Variants in GPR161 observed in about 807,000 individuals in gnomAD.
The protein encoded by GPR161 is G-protein coupled receptor RE2.
In GPR161, 25 loss-of-function variants were observed where a neutral mutation model predicts 39.2. That is an observed-to-expected ratio of 0.64 (90% confidence interval 0.47 to 0.89). The LOEUF (loss-of-function observed/expected upper bound fraction) is 0.89, where lower values mean the gene tolerates loss of function less well. Ranked by LOEUF, GPR161 falls within the 40% of genes least tolerant of loss-of-function variation. The pLI is 0.00. For missense variants in GPR161, 547 were observed against 677.8 expected (o/e 0.81, Z 2.14); for synonymous variants, 286 against 276.6 (o/e 1.03, Z -0.34).
chr1:168,110,916 C>A (rs1343521950), intron 1 of GPR161, among the ~76,000 whole-genome samples: 2 of 137,940 alleles, frequency 1.4e-5, no homozygotes. Flanking sequence ...AAGAGCAAAA[C>A]TCTATCTCAA....
intron 1 of GPR161, among the ~76,000 whole-genome samples, chr1:168,127,690 T>A (rs922448929): frequency 1.3e-5 from 2 of 152,070 alleles, no homozygotes; most frequent in South Asian, 4.1e-4. Context: ...TTTAAAACCA[T>A]CAGATCTCAT....
chr1:168,133,398 G>A (rs1572398699), intron 1 of GPR161, among the ~76,000 whole-genome samples: 1 of 152,102 alleles, frequency 6.6e-6, no homozygotes, highest in Admixed American at 6.5e-5. Context: ...TATTGTACAT[G>A]TACACAGATA....
rs376954778 is a variant in GPR161 at position 168,118,477 on chromosome 1, G to A, written c.-44-13583C>T. 5.9e-5 allele frequency: 9 copies of A among 152,334 alleles called. No homozygotes were observed. In the South Asian group the frequency reaches 1.0e-3, roughly 18 times the overall value. 9.4% of individuals were successfully genotyped at this position (152,334 alleles called of 1,614,324 possible). A position where few individuals can be genotyped will look rare whatever the true frequency, so the allele number is the denominator to read the frequency against. On this transcript the variant is annotated intron_variant, in intron 1 of 5. Coordinates refer to ENST00000682931, the MANE Select transcript of GPR161 (RefSeq NM_001375883.1). ...ACGAGGGTGAGGGTTAGGAAGGGGA[G>A]TGGATGAGGAGAAACAACTTAATGG...
chr1:168,116,734 G>A (rs1446639769), intron 1 of GPR161, among the ~76,000 whole-genome samples: 1 of 152,192 alleles, frequency 6.6e-6, no homozygotes, highest in African/African-American at 2.4e-5. Flanking sequence ...CGTGGCCTCT[G>A]CAACCCCAGG....
Position 168,092,704 on chromosome 1 carries a change from C to T in GPR161, c.1100-2036G>A, listed in dbSNP as rs77493044. On this transcript the variant is annotated intron_variant, in intron 3 of 5. Transcript: ENST00000682931. ...AGGTACTTTGAGCTAACTACAAGAC[C>T]TCTAGATGCCCCCAAGCAAAGGAAC... is the stretch of plus-strand genomic sequence containing the variant. 6.1e-3 allele frequency among the ~76,000 whole-genome samples: 934 copies of T among 152,258 alleles called. 3 individuals are homozygous for T. The highest frequency in any genetic ancestry group is 0.022 in the African/African-American group (895 of 41,552).
chr1:168,119,932 G>C (rs1698022968), intron 1 of GPR161, among the ~76,000 whole-genome samples: 1 of 152,230 alleles, frequency 6.6e-6, no homozygotes, highest in South Asian at 2.1e-4. Flanking sequence ...TGAATGTCCA[G>C]GCAGAAGTCT....
At chr1:168,108,336 G>A (rs1156770864) in intron 1 of GPR161, among the ~76,000 whole-genome samples, 1 of 151,880 alleles carries the variant, frequency 6.6e-6, no homozygotes, top group East Asian at 1.9e-4. Context: ...ATGTCAACAT[G>A]AGACTTGGCG....
chr1:168,110,973 G>A (rs928043634), intron 1 of GPR161, among the ~76,000 whole-genome samples: 5 of 150,780 alleles, frequency 3.3e-5, no homozygotes, highest in Admixed American at 6.6e-5. Flanking sequence ...AAAGACAAAC[G>A]AATGGGTATG....
At chr1:168,126,479 C>T (rs1364113859) in intron 1 of GPR161, among the ~76,000 whole-genome samples, 5 of 151,914 alleles carry the variant, frequency 3.3e-5, no homozygotes, top group South Asian at 2.1e-4. Flanking sequence ...TTTGAGACAG[C>T]GTCTCACTCT....
intron 1 of GPR161, among the ~76,000 whole-genome samples, chr1:168,132,148 C>A (rs1699038165): frequency 6.6e-6 from 1 of 152,126 alleles, no homozygotes; most frequent in African/African-American, 2.4e-5. Context: ...GCCTGTAACC[C>A]CAGCTACGTG....
intron 1 of GPR161, among the ~76,000 whole-genome samples, chr1:168,117,323 C>G (rs149006281): frequency 9.1e-4 from 139 of 152,306 alleles, no homozygotes; most frequent in African/African-American, 3.1e-3. Flanking sequence ...CATACTATTA[C>G]ACACATAATC....
Position 168,083,945 on chromosome 1 carries a change from T to C in GPR161, c.*1586A>G, listed in dbSNP as rs60117419. The C allele has an allele frequency of 0.081, 12,334 of 152,316 alleles. 590 individuals carry two copies. Among genetic ancestry groups the C allele is most frequent in the Middle Eastern group, 0.092 (27 of 294 alleles). The allele number at this position is 152,316 out of a possible 1,614,324, so 9.4% of individuals were successfully genotyped here. A position where few individuals can be genotyped will look rare whatever the true frequency, so the allele number is the denominator to read the frequency against. ...CCTCTCAGCAACCAGCAAGATCTCC[T>C]TGGAATCTACCTTCTGCCAACCAAA... On this transcript the variant is annotated 3_prime_UTR_variant, in exon 6 of 6. Coordinates refer to ENST00000682931, the MANE Select transcript of GPR161 (RefSeq NM_001375883.1).
intron 1 of GPR161, among the ~76,000 whole-genome samples, chr1:168,113,509 G>A (rs1254116613): frequency 6.6e-6 from 1 of 152,172 alleles, no homozygotes; most frequent in African/African-American, 2.4e-5. Context: ...TTAGACCACT[G>A]GCAACGGCTT....
At position 168,098,302 on chromosome 1, in the gene GPR161, G is replaced by A. The variant is rs776863073; in HGVS notation, c.375-1070C>T. ...GGAAGCAGGCCGGGTGGACGGGGCC[G>A]GGGCATGCAGAGCTAAGGACTGTAG... On this transcript the variant is annotated intron_variant, in intron 2 of 5. Transcript: ENST00000682931. This position sits in a 1 kb window ranked among gnomAD's most constrained non-coding sequence, Gnocchi z 4.1. Among the ~76,000 whole-genome samples, 2 of 152,182 alleles carry A rather than the reference G, an allele frequency of 1.3e-5. No individual in the cohort carries two copies. The highest frequency in any genetic ancestry group is 1.5e-5 in the Non-Finnish European group (1 of 68,028).
chr1:168,134,194 A>G (rs180920902), intron 1 of GPR161, among the ~76,000 whole-genome samples: 8 of 152,320 alleles, frequency 5.3e-5, no homozygotes, highest in Admixed American at 1.3e-4. Flanking sequence ...AGTATAAAAC[A>G]AACACAAACT....
At chr1:168,101,490 G>A (rs1558106797) in intron 2 of GPR161, among the ~76,000 whole-genome samples, 2 of 152,186 alleles carry the variant, frequency 1.3e-5, no homozygotes, top group African/African-American at 2.4e-5. Context: ...CCTGAGCTAC[G>A]CTAGCTGGCT....
At position 168,084,519 on chromosome 1, in the gene GPR161, C is replaced by G. The variant is rs1200951904; in HGVS notation, c.*1012G>C. 5.9e-6 allele frequency: 2 copies of G among 338,042 alleles called. No homozygotes were observed. Among genetic ancestry groups the G allele is most frequent in the East Asian group, 1.7e-4 (2 of 12,074 alleles). The allele number at this position is 338,042 out of a possible 1,614,324, so 20.9% of individuals were successfully genotyped here. On this transcript the variant is annotated 3_prime_UTR_variant, in exon 6 of 6. Transcript: ENST00000682931. ...ATAACCCAGGTTGCTGGCTGTGGGT[C>G]CAGGGCTGCTTCTATCTTATTTATA...
At position 168,123,154 on chromosome 1, in the gene GPR161, T is replaced by C. The variant is rs1005868672; in HGVS notation, c.-45+13585A>G. Among the ~76,000 whole-genome samples the C allele has an allele frequency of 3.3e-5, 5 of 152,196 alleles. No homozygotes were observed. The East Asian group carries it at 7.7e-4, about 23-fold the overall frequency. ...GGTACCAAATGTGCCTACAAAAATA[T>C]ATGGGCTTGGTCCAGGAATGGTGAC... On this transcript the variant is annotated intron_variant, in intron 1 of 5. Coordinates refer to ENST00000682931, the MANE Select transcript of GPR161 (RefSeq NM_001375883.1).
chr1:168,097,789 T>C (rs537956849), intron 2 of GPR161, among the ~76,000 whole-genome samples: 6 of 152,128 alleles, frequency 3.9e-5, no homozygotes, highest in Non-Finnish European at 8.8e-5. Context: ...AAGGGCCACA[T>C]TGAGTCCTCA....
Sources: allele counts gnomAD v4.1 joint callset (sites outside exome capture counted in the v4.1 genomes callset), GRCh38; gene constraint gnomAD v4.1.1; non-coding constraint Gnocchi (gnomAD v3.1); transcripts MANE v1.5; gene names NCBI Gene and HGNC (gene_info 2026-07-23, HGNC 2026-07-21).